Variants in NOSTRIN observed in about 807,000 individuals in gnomAD.
NOSTRIN encodes nitric oxide synthase trafficking.
A neutral mutation model predicts 59.0 loss-of-function variants in NOSTRIN; 63 were observed. The observed-to-expected ratio is 1.07, with a 90% CI of 0.87 to 1.32. The LOEUF (loss-of-function observed/expected upper bound fraction) is 1.32. Among genes scored for constraint, NOSTRIN ranks in the 40% most tolerant of loss-of-function variants. The pLI, the probability that NOSTRIN is intolerant of heterozygous loss-of-function variation, is 0.00. For synonymous variants in NOSTRIN, 200 were observed against 165.4 expected (o/e 1.21, Z -1.61); for missense variants, 512 against 473.1 (o/e 1.08, Z -0.76).
chr2:168,845,200 A>T lies in NOSTRIN; in HGVS notation c.630+2083A>T, dbSNP rs1688341848. 2.0e-5 allele frequency among the ~76,000 whole-genome samples: 3 copies of T among 152,210 alleles called. No homozygotes were observed. The South Asian group carries it at 6.2e-4, about 32-fold the overall frequency. ...AGAAAAGGTCAGGGATTTAAATTCTAACTTGATTCATTTGAAATCTGGCTC... is the reference window on the plus strand; with the variant it reads ...AGAAAAGGTCAGGGATTTAAATTCTTACTTGATTCATTTGAAATCTGGCTC... On this transcript the variant is annotated intron_variant, in intron 8 of 15. Coordinates refer to ENST00000317647, the MANE Select transcript of NOSTRIN (RefSeq NM_001039724.4).
intron 1 of NOSTRIN, among the ~76,000 whole-genome samples, chr2:168,806,010 CTA>C (rs985302182): frequency 1.3e-4 from 20 of 152,134 alleles, no homozygotes; most frequent in Non-Finnish European, 2.5e-4. Context: ...ATGGAGTAGA[CTA>C]TGCTCTTTAA....
chr2:168,848,593 A>G (rs2105743288), intron 8 of NOSTRIN, among the ~76,000 whole-genome samples: 1 of 152,320 alleles, frequency 6.6e-6, no homozygotes, highest in East Asian at 1.9e-4. Context: ...CATACCATGG[A>G]ATATTATTCA....
At chr2:168,837,769 C>T (rs1687826205) in intron 7 of NOSTRIN, among the ~76,000 whole-genome samples, 2 of 152,186 alleles carry the variant, frequency 1.3e-5, no homozygotes, top group East Asian at 1.9e-4. Context: ...CTAACAGGTA[C>T]TTTCCAAGTC....
At chr2:168,858,820 G>A (rs374098000) in intron 12 of NOSTRIN, among the ~76,000 whole-genome samples, 10 of 152,212 alleles carry the variant, frequency 6.6e-5, no homozygotes, top group African/African-American at 2.4e-4. Context: ...GTGAGGAGGG[G>A]GCTGGATAAG....
intron 2 of NOSTRIN, among the ~76,000 whole-genome samples, chr2:168,816,414 G>A (rs112149171): frequency 3.6e-4 from 55 of 151,870 alleles, no homozygotes; most frequent in African/African-American, 1.2e-3. Flanking sequence ...CTCTCTTTCC[G>A]TCTCCCCATG....
At chr2:168,834,503 G>GCACACACACA (rs1355060150) in intron 7 of NOSTRIN, among the ~76,000 whole-genome samples, 178 bp downstream of exon 7, 1,210 of 119,782 alleles carry the variant, frequency 0.01, 13 homozygotes, top group African/African-American at 0.032. Context: ...GCGCGCGCGC[G>GCACACACACA]CGCGCACACA....
At chr2:168,799,715 T>C (rs528084154), upstream of NOSTRIN, among the ~76,000 whole-genome samples, 17 of 152,342 alleles carry the variant, frequency 1.1e-4, no homozygotes, top group Admixed American at 7.2e-4. Flanking sequence ...GCCAGTCTGC[T>C]GAGGTTCAAA....
upstream of NOSTRIN, among the ~76,000 whole-genome samples, chr2:168,795,135 T>G (rs951411317): frequency 4.6e-5 from 7 of 152,212 alleles, no homozygotes; most frequent in African/African-American, 9.6e-5. Context: ...CCATTACTTA[T>G]AAAGTGTAGA....
At chr2:168,851,471 G>GA (rs551801224) in intron 10 of NOSTRIN, 67 bp downstream of exon 10, 23 of 1,520,212 alleles carry the variant, frequency 1.5e-5, no homozygotes, top group Non-Finnish European at 1.6e-5. Flanking sequence ...GACTTACATT[G>GA]AAAAAATTGA....
At chr2:168,838,875 C>T (rs2105696434) in intron 7 of NOSTRIN, among the ~76,000 whole-genome samples, 1 of 150,294 alleles carries the variant, frequency 6.7e-6, no homozygotes, top group South Asian at 2.1e-4. Context: ...GCAACCTCTG[C>T]CTCCCAAGTT....
At chr2:168,790,929 C>T (rs1163885334) in intron 2 of NOSTRIN, among the ~76,000 whole-genome samples, 3 of 152,096 alleles carry the variant, frequency 2.0e-5, no homozygotes, top group Admixed American at 6.6e-5. Flanking sequence ...ATCCTTGTAA[C>T]GAACTTGCAA....
chr2:168,863,465 C>CGGGGGCAGATGATCCTGAA (rs1172614477), intron 15 of NOSTRIN: 3 of 985,100 alleles, frequency 3.0e-6, no homozygotes, highest in Non-Finnish European at 3.6e-6. Flanking sequence ...TGGATCCTGA[C>CGGGGGCAGATGATCCTGAA]GGGGGCAGAT....
chr2:168,788,955 G>A (rs1685275705), intron 2 of NOSTRIN, among the ~76,000 whole-genome samples: 1 of 151,594 alleles, frequency 6.6e-6, no homozygotes, highest in Admixed American at 6.6e-5. Context: ...TTTCATAACT[G>A]TCCACCTCAG....
chr2:168,808,099 A>AG (rs773671245), intron 1 of NOSTRIN, among the ~76,000 whole-genome samples: 1 of 152,198 alleles, frequency 6.6e-6, no homozygotes, highest in Non-Finnish European at 1.5e-5. Context: ...AATGTGTCTT[A>AG]GGGAGTTTTG....
chr2:168,838,421 G>C (rs1025657028), intron 7 of NOSTRIN, among the ~76,000 whole-genome samples: 4 of 152,134 alleles, frequency 2.6e-5, no homozygotes, highest in African/African-American at 9.7e-5. Context: ...TGTATTTTTA[G>C]TAGAGATGGG....
intron 14 of NOSTRIN, 21 bp from the exon 15 acceptor site, chr2:168,861,939 T>C (rs772376383): frequency 6.2e-7 from 1 of 1,611,524 alleles, no homozygotes; most frequent in South Asian, 1.1e-5. Flanking sequence ...AGCATACTAA[T>C]TACAGCTTTA....
At chr2:168,815,774 T>C (rs1424097045) in intron 2 of NOSTRIN, among the ~76,000 whole-genome samples, 1 of 152,154 alleles carries the variant, frequency 6.6e-6, no homozygotes, top group Admixed American at 6.5e-5. Context: ...AAACCATATA[T>C]ATCACAGTAT....
rs932159639 is a variant in NOSTRIN at position 168,864,617 on chromosome 2, A to G, written c.1385-217A>G. Among the ~76,000 whole-genome samples the G allele has an allele frequency of 2.6e-5, 4 of 152,202 alleles. No individual in the cohort carries two copies. The South Asian group carries it at 8.3e-4, about 31-fold the overall frequency. ...TCTTTAAGCAATTATTTTATGATAT[A>G]TCTCAGTTGTTCATTATCTTACTCT... is the stretch of plus-strand genomic sequence containing the variant. On this transcript the variant is annotated intron_variant, in intron 15 of 15. Coordinates refer to ENST00000317647, the MANE Select transcript of NOSTRIN (RefSeq NM_001039724.4).
intron 2 of NOSTRIN, among the ~76,000 whole-genome samples, chr2:168,792,309 T>A (rs1685378497): frequency 2.0e-5 from 3 of 152,030 alleles, no homozygotes; most frequent in Admixed American, 6.6e-5. Flanking sequence ...AAAGGAAAAA[T>A]TTAGTGAAAG....
Sources: gnomAD v4.1 joint callset for allele counts (sites outside exome capture counted in the v4.1 genomes callset) on GRCh38, gnomAD v4.1.1 for gene constraint, MANE v1.5 for transcripts, NCBI Gene and HGNC (gene_info 2026-07-23, HGNC 2026-07-21) for gene names.